Variants in TMEM72 observed in about 807,000 individuals in gnomAD.
TMEM72 encodes kidney-specific secretory protein of 37 kDa.
In TMEM72, 9 loss-of-function variants were observed where a neutral mutation model predicts 16.3. The observed-to-expected ratio is 0.55, with a 90% CI of 0.33 to 0.96. TMEM72 has a LOEUF of 0.96. Ranked by LOEUF, TMEM72 falls within the 40% of genes least tolerant of loss-of-function variation. TMEM72 has a pLI of 0.03. For synonymous variants in TMEM72, 160 were observed against 146.5 expected, an observed-to-expected ratio of 1.09 and a Z score of -0.66; for missense variants, 324 against 337.8, an observed-to-expected ratio of 0.96 and a Z score of 0.32.
chr10:44,928,934 G>A (rs1019334911), intron 2 of TMEM72, among the ~76,000 whole-genome samples: 1 of 152,154 alleles, frequency 6.6e-6, no homozygotes, highest in Non-Finnish European at 1.5e-5. Context: ...TTAGAGAATG[G>A]GGAATCAGGT....
chr10:44,927,770 A>G (rs1439849469), intron 1 of TMEM72, 151 bp from the exon 2 acceptor site: 4 of 739,106 alleles, frequency 5.4e-6, no homozygotes, highest in Non-Finnish European at 9.2e-6. Flanking sequence ...GCACCTTGCT[A>G]GTCACAGCTG....
intron 1 of TMEM72, among the ~76,000 whole-genome samples, chr10:44,917,574 C>T (rs7083091): frequency 0.026 from 4,011 of 152,198 alleles, 84 homozygotes; most frequent in Middle Eastern, 0.044. Context: ...TTTTATTTTT[C>T]ATGGGATGAC....
chr10:44,911,687 T>G, intron 1 of TMEM72, 105 bp downstream of exon 1: 1 of 1,304,384 alleles, frequency 7.7e-7, no homozygotes, highest in Non-Finnish European at 1.1e-6. Context: ...ATCTGGCCAC[T>G]TCTGTGCTTC....
chr10:44,917,754 G>A (rs1840033610), intron 1 of TMEM72, among the ~76,000 whole-genome samples: 1 of 152,172 alleles, frequency 6.6e-6, no homozygotes, highest in African/African-American at 2.4e-5. Flanking sequence ...GGAATGGACA[G>A]AGAACAATGG....
chr10:44,923,267 G>A (rs1338299822), intron 1 of TMEM72: 1 of 152,222 alleles, frequency 6.6e-6, no homozygotes, highest in African/African-American at 2.4e-5. Context: ...TTTGTCCTGT[G>A]CAATGCTGAA....
chr10:44,918,109 T>A (rs1346826943), intron 1 of TMEM72, among the ~76,000 whole-genome samples: 1 of 152,110 alleles, frequency 6.6e-6, no homozygotes, highest in Non-Finnish European at 1.5e-5. Flanking sequence ...TTCCTCTTTT[T>A]AAAACCATCA....
chr10:44,924,548 C>A (rs1207504521), intron 1 of TMEM72, among the ~76,000 whole-genome samples: 2 of 152,224 alleles, frequency 1.3e-5, no homozygotes, highest in African/African-American at 4.8e-5. Flanking sequence ...GGTGGGCCTG[C>A]CGCTCCCAGC....
intron 1 of TMEM72, among the ~76,000 whole-genome samples, chr10:44,923,838 C>T (rs1295330324): frequency 6.6e-6 from 1 of 152,198 alleles, no homozygotes; most frequent in Non-Finnish European, 1.5e-5. Flanking sequence ...CAGAACAGAC[C>T]CTCCACTCTT....
At chr10:44,912,595 C>T (rs1839953791) in intron 1 of TMEM72, among the ~76,000 whole-genome samples, 1 of 152,202 alleles carries the variant, frequency 6.6e-6, no homozygotes, top group Admixed American at 6.5e-5. Flanking sequence ...CCTTGGGGAG[C>T]CCCTGACCCC....
At chr10:44,926,512 G>A (rs1293016586) in intron 1 of TMEM72, among the ~76,000 whole-genome samples, 1 of 152,178 alleles carries the variant, frequency 6.6e-6, no homozygotes, top group Non-Finnish European at 1.5e-5. Context: ...TCTTCAGTTA[G>A]GCTGACACTG....
chr10:44,924,217 C>T (rs556487110), intron 1 of TMEM72, among the ~76,000 whole-genome samples: 1 of 152,294 alleles, frequency 6.6e-6, no homozygotes, highest in African/African-American at 2.4e-5. Flanking sequence ...TGTTAGGGGC[C>T]CCCACACCCT....
At chr10:44,927,887 C>G (rs771075385) in intron 1 of TMEM72, 34 bp from the exon 2 acceptor site, 1 of 1,603,296 alleles carries the variant, frequency 6.2e-7, no homozygotes. Flanking sequence ...TGTAGAGCAC[C>G]AGGCCCACTC....
At chr10:44,920,562 GA>G (rs935110163) in intron 1 of TMEM72, among the ~76,000 whole-genome samples, 16 of 152,268 alleles carry the variant, frequency 1.1e-4, no homozygotes, top group Admixed American at 9.8e-4. Context: ...GTAAATTAGT[GA>G]ACAACAAGCA....
intron 2 of TMEM72, among the ~76,000 whole-genome samples, chr10:44,930,269 C>T (rs1443294666): frequency 1.3e-5 from 2 of 152,184 alleles, no homozygotes; most frequent in Admixed American, 6.5e-5. Context: ...CTGAATGAGT[C>T]GCTTTATTCC....
In TMEM72 at chr10:44,935,862, T is replaced by C. The variant is rs894753400; in HGVS notation, c.*728T>C. On this transcript the variant is annotated 3_prime_UTR_variant, in exon 5 of 5. Coordinates refer to ENST00000389583, the MANE Select transcript of TMEM72 (RefSeq NM_001123376.3). ...CCTTTCCAAGATTCCAGGTTGATGA[T>C]GCAAACTGAACGCAGTGAATGCCAG... 3.3e-5 allele frequency: 5 copies of C among 152,322 alleles called. No individual in the cohort carries two copies. Among genetic ancestry groups the C allele is most frequent in the African/African-American group, 9.6e-5 (4 of 41,474 alleles). The allele number at this position is 152,322 out of a possible 1,614,324, so 9.4% of individuals were successfully genotyped here. A position where few individuals can be genotyped will look rare whatever the true frequency, so the allele number is the denominator to read the frequency against.
intron 4 of TMEM72, 124 bp from the exon 5 acceptor site, chr10:44,934,532 C>A: frequency 1.0e-6 from 1 of 970,440 alleles, no homozygotes; most frequent in Non-Finnish European, 1.5e-6. Context: ...GGGCCAGGGC[C>A]ACAGGGGCCT....
chr10:44,927,080 A>G lies in TMEM72; in HGVS notation c.71-841A>G, dbSNP rs77016250. 5.9e-3 allele frequency among the ~76,000 whole-genome samples: 895 copies of G among 152,314 alleles called. 24 individuals are homozygous for G. In the East Asian group the frequency reaches 0.08, roughly 14 times the overall value. On this transcript the variant is annotated intron_variant, in intron 1 of 4. Coordinates refer to ENST00000389583, the MANE Select transcript of TMEM72 (RefSeq NM_001123376.3). The stretch of plus-strand genomic sequence containing the variant: ...GGAAGAGAGGATGAAGCCACCCTTC[A>G]GCACACAGCAGGGGCATCATCAGAG...
intron 1 of TMEM72, among the ~76,000 whole-genome samples, chr10:44,914,172 G>A (rs1026895646): frequency 3.7e-4 from 56 of 152,182 alleles, no homozygotes; most frequent in African/African-American, 1.2e-3. Flanking sequence ...TCGAAGTCCC[G>A]CAGACCATTC....
intron 2 of TMEM72, among the ~76,000 whole-genome samples, chr10:44,928,482 C>T (rs1333409871): frequency 3.3e-5 from 5 of 152,008 alleles, no homozygotes; most frequent in African/African-American, 4.8e-5. Context: ...ACCCACCCAT[C>T]CATCCATCTG....
Sources: gnomAD v4.1 joint callset for allele counts (sites outside exome capture counted in the v4.1 genomes callset) on GRCh38, gnomAD v4.1.1 for gene constraint, MANE v1.5 for transcripts, NCBI Gene and HGNC (gene_info 2026-07-23, HGNC 2026-07-21) for gene names.